SLC8A1: variants seen among roughly 807,000 people sequenced by gnomAD.
The protein encoded by SLC8A1 is solute carrier family 8 member A1, also known as sodium/calcium exchanger 1.
Under a neutral mutation model 68.3 loss-of-function variants are expected in SLC8A1, and 18 were observed. That is an observed-to-expected ratio of 0.26 (90% CI 0.18 to 0.39). The LOEUF (loss-of-function observed/expected upper bound fraction) is 0.39. Among genes scored for constraint, SLC8A1 ranks in the 10% least tolerant of loss-of-function variants. SLC8A1 has a pLI of 1.00. For missense variants in SLC8A1, 985 were observed against 1,156.7 expected, an observed-to-expected ratio of 0.85 and a Z score of 2.15; for synonymous variants, 475 against 415.5, an observed-to-expected ratio of 1.14 and a Z score of -1.74.
chr2:40,454,030 G>A (rs1420609424), upstream of SLC8A1, among the ~76,000 whole-genome samples: 1 of 152,174 alleles, frequency 6.6e-6, no homozygotes, highest in Non-Finnish European at 1.5e-5. Context: ...ACACTTACTA[G>A]TGGATATAAA....
intron 2 of SLC8A1, among the ~76,000 whole-genome samples, chr2:40,178,862 C>T (rs921674659): frequency 6.6e-6 from 1 of 152,130 alleles, no homozygotes; most frequent in African/African-American, 2.4e-5. Flanking sequence ...AAGCTATGCC[C>T]TGGAACTCAC....
At chr2:40,182,695 T>C (rs2049854867) in intron 2 of SLC8A1, among the ~76,000 whole-genome samples, 1 of 152,150 alleles carries the variant, frequency 6.6e-6, no homozygotes, top group African/African-American at 2.4e-5. Context: ...TTATATCTGG[T>C]TTTGACTCAG....
chr2:40,399,303 T>TCCC (rs767033575), intron 2 of SLC8A1, among the ~76,000 whole-genome samples: 3 of 151,770 alleles, frequency 2.0e-5, no homozygotes. Flanking sequence ...GAGGGCCTCC[T>TCCC]CTACCCCTCG....
intron 2 of SLC8A1, among the ~76,000 whole-genome samples, chr2:40,291,914 T>TC (rs1266676713): frequency 2.0e-5 from 3 of 151,976 alleles, no homozygotes; most frequent in African/African-American, 7.3e-5. Flanking sequence ...TTTTTTTTTT[T>TC]TTTTTTAACA....
chr2:40,192,657 G>C (rs2052102978), intron 2 of SLC8A1, among the ~76,000 whole-genome samples: 1 of 151,744 alleles, frequency 6.6e-6, no homozygotes, highest in East Asian at 1.9e-4. Flanking sequence ...ATTTAGGCCA[G>C]GAAACTCTTA....
At chr2:40,400,770 G>A (rs918555467) in intron 2 of SLC8A1, among the ~76,000 whole-genome samples, 1 of 152,164 alleles carries the variant, frequency 6.6e-6, no homozygotes, top group African/African-American at 2.4e-5. Flanking sequence ...AAAACTAGAA[G>A]AGATTTTGGT....
chr2:40,374,075 A>G (rs548480091), intron 2 of SLC8A1, among the ~76,000 whole-genome samples: 1 of 152,318 alleles, frequency 6.6e-6, no homozygotes, highest in African/African-American at 2.4e-5. Flanking sequence ...CTCAGAGCAC[A>G]CACAAATCCA....
At chr2:40,417,258 T>C (rs1444299182) in intron 2 of SLC8A1, among the ~76,000 whole-genome samples, 15 of 152,126 alleles carry the variant, frequency 9.9e-5, no homozygotes, top group Admixed American at 9.8e-4. Context: ...CAGATTATTT[T>C]GTCACCCAGG....
intron 1 of SLC8A1, among the ~76,000 whole-genome samples, chr2:40,439,890 C>T (rs114723202): frequency 6.6e-6 from 1 of 152,108 alleles, no homozygotes; most frequent in African/African-American, 2.4e-5. Flanking sequence ...TTGTATGCTA[C>T]AATTTTCTAA....
rs2074508312 is a variant in SLC8A1, at chr2:40,316,773, TTG to T, written c.1808+111698_1808+111699del. Among the ~76,000 whole-genome samples, 8 of 152,026 alleles carry T rather than the reference TTG, an allele frequency of 5.3e-5. No individual in the cohort carries two copies. In the South Asian group the frequency reaches 1.7e-3, roughly 32 times the overall value. On this transcript the variant is annotated intron_variant, in intron 2 of 7. Coordinates refer to ENST00000406785, the Ensembl canonical transcript of SLC8A1. ...GTCCAAAATACCTCCCTCCCCCAAT[TTG>T]TGTTTTATCTCAATACATTACCCAG...
At chr2:40,260,749 T>C (rs1447946516) in intron 2 of SLC8A1, among the ~76,000 whole-genome samples, 1 of 152,006 alleles carries the variant, frequency 6.6e-6, no homozygotes, top group Admixed American at 6.6e-5. Context: ...TGGTTTTTTT[T>C]TTTTTTAATT....
chr2:40,348,100 T>C (rs1203247866), intron 2 of SLC8A1, among the ~76,000 whole-genome samples: 2 of 152,162 alleles, frequency 1.3e-5, no homozygotes, highest in South Asian at 4.1e-4. Flanking sequence ...TCTTAATTTT[T>C]ACATGGGCTG....
chr2:40,477,999 T>C (rs946847437), intron 1 of SLC8A1, among the ~76,000 whole-genome samples: 3 of 152,222 alleles, frequency 2.0e-5, no homozygotes, highest in Admixed American at 6.5e-5. Context: ...ACTTTTATTA[T>C]TCTAGTCTGC....
At chr2:40,241,764 T>C (rs1006508937) in intron 2 of SLC8A1, among the ~76,000 whole-genome samples, 1 of 152,082 alleles carries the variant, frequency 6.6e-6, no homozygotes, top group Non-Finnish European at 1.5e-5. Context: ...GCTTTGAGAG[T>C]GACCTGTCAC....
chr2:40,368,956 C>G (rs1020778724), intron 2 of SLC8A1, among the ~76,000 whole-genome samples: 6 of 149,998 alleles, frequency 4.0e-5, no homozygotes, highest in Non-Finnish European at 5.9e-5. Flanking sequence ...CTTACTCAAT[C>G]AATTGTGCTG....
chr2:40,482,759 T>C (rs1188305084), intron 1 of SLC8A1, among the ~76,000 whole-genome samples: 1 of 151,842 alleles, frequency 6.6e-6, no homozygotes, highest in African/African-American at 2.4e-5. Flanking sequence ...ATGTTTTTCC[T>C]TATTTCTATG....
chr2:40,285,864 T>A (rs1443063540), intron 2 of SLC8A1, among the ~76,000 whole-genome samples: 1 of 152,186 alleles, frequency 6.6e-6, no homozygotes, highest in Non-Finnish European at 1.5e-5. Context: ...GTGCTTGCCA[T>A]TTCTTTCTTT....
chr2:40,409,925 C>A (rs1041575845), intron 2 of SLC8A1, among the ~76,000 whole-genome samples: 1 of 151,892 alleles, frequency 6.6e-6, no homozygotes, highest in Non-Finnish European at 1.5e-5. Context: ...GGCATCCCTG[C>A]CCCAACAAAA....
intron 2 of SLC8A1, among the ~76,000 whole-genome samples, chr2:40,277,670 C>T (rs2066900689): frequency 6.6e-6 from 1 of 151,330 alleles, no homozygotes; most frequent in South Asian, 2.1e-4. Context: ...CATAAACAGT[C>T]AACAAATAAT....
Sources: allele counts gnomAD v4.1 joint callset (sites outside exome capture counted in the v4.1 genomes callset), GRCh38; gene constraint gnomAD v4.1.1; transcripts MANE v1.5; gene names NCBI Gene and HGNC (gene_info 2026-07-23, HGNC 2026-07-21).